The following RALGPS2 variants were observed in gnomAD, a reference collection of about 807,000 sequenced individuals.
RALGPS2 encodes the protein ras-specific guanine nucleotide-releasing factor RalGPS2.
A neutral mutation model predicts 86.8 loss-of-function variants in RALGPS2; 43 were observed. The ratio of observed to expected loss-of-function variants is 0.50; its 90% CI spans 0.39 to 0.64. The LOEUF (loss-of-function observed/expected upper bound fraction) is 0.64, where lower values mean the gene tolerates loss of function less well. Among genes scored for constraint, RALGPS2 ranks in the 30% least tolerant of loss-of-function variants. The probability of loss-of-function intolerance (pLI) is 0.00; values close to 1 mark genes in which losing one functional copy is unlikely to be tolerated. For missense variants in RALGPS2, 536 were observed against 694.6 expected, an observed-to-expected ratio of 0.77 and a Z score of 2.57; for synonymous variants, 243 against 231.3, an observed-to-expected ratio of 1.05 and a Z score of -0.46.
Position 178,776,664 on chromosome 1 carries a change from T to C in RALGPS2, c.-83-18T>C, listed in dbSNP as rs1572320143. The C allele has an allele frequency of 2.8e-5, 1 of 35,442 alleles. No individual in the cohort carries two copies. The highest frequency in any genetic ancestry group is 7.1e-4 in the East Asian group (1 of 1,416). 2.2% of individuals were successfully genotyped at this position (35,442 alleles called of 1,614,324 possible). A position where few individuals can be genotyped will look rare whatever the true frequency, so the allele number is the denominator to read the frequency against. On this transcript the variant is annotated intron_variant, in intron 1 of 19. Coordinates refer to ENST00000367635, the MANE Select transcript of RALGPS2 (RefSeq NM_152663.5). ...ACTTCGAGGAAGACATTTGCTTAACTTTTTTTTTTTTTTACAGGAATAATG... is the reference window on the plus strand; with the variant it reads ...ACTTCGAGGAAGACATTTGCTTAACCTTTTTTTTTTTTTACAGGAATAATG...
intron 12 of RALGPS2, chr1:178,885,412 C>T (rs560612098): frequency 7.2e-5 from 39 of 538,654 alleles, no homozygotes; most frequent in African/African-American, 6.5e-4. Flanking sequence ...GGGATTTTGT[C>T]AACAATGCAT....
chr1:178,728,983 A>G (rs1376496516), intron 1 of RALGPS2, among the ~76,000 whole-genome samples: 1 of 152,206 alleles, frequency 6.6e-6, no homozygotes, highest in African/African-American at 2.4e-5. Context: ...AGTTATATGG[A>G]TATAGCAGTG....
intron 1 of RALGPS2, among the ~76,000 whole-genome samples, chr1:178,728,768 A>T (rs547950494): frequency 6.6e-6 from 1 of 152,160 alleles, no homozygotes; most frequent in African/African-American, 2.4e-5. Flanking sequence ...AGTAACGTGG[A>T]ATTAATCTGG....
chr1:178,788,207 G>A (rs769065613), intron 4 of RALGPS2, among the ~76,000 whole-genome samples: 9 of 151,996 alleles, frequency 5.9e-5, no homozygotes, highest in Non-Finnish European at 1.3e-4. Flanking sequence ...TTTCTACAGG[G>A]TCACCTAGCA....
intron 1 of RALGPS2, chr1:178,746,801 A>G (rs1651356408): frequency 9.8e-7 from 1 of 1,017,268 alleles, no homozygotes; most frequent in Non-Finnish European, 1.6e-6. Context: ...ACGTTTCCGT[A>G]GAACACTCTC....
At chr1:178,789,918 A>G (rs1391481417) in intron 4 of RALGPS2, among the ~76,000 whole-genome samples, 1 of 152,156 alleles carries the variant, frequency 6.6e-6, no homozygotes, top group Non-Finnish European at 1.5e-5. Flanking sequence ...GACAACAGTA[A>G]CTATTGGAAG....
intron 1 of RALGPS2, among the ~76,000 whole-genome samples, chr1:178,746,242 A>G (rs1356785118): frequency 3.9e-5 from 6 of 152,220 alleles, no homozygotes; most frequent in African/African-American, 1.4e-4. Context: ...CTCAACACCA[A>G]CAATCCAACT....
At chr1:178,900,839 T>TG (rs781017843) in intron 17 of RALGPS2, among the ~76,000 whole-genome samples, 63 of 152,042 alleles carry the variant, frequency 4.1e-4, no homozygotes, top group Non-Finnish European at 8.8e-4. Flanking sequence ...TCGCTGGTGG[T>TG]TAAAGGGCAT....
intron 8 of RALGPS2, among the ~76,000 whole-genome samples, chr1:178,839,631 C>T (rs1333226239): frequency 1.3e-5 from 2 of 152,176 alleles, no homozygotes; most frequent in Non-Finnish European, 2.9e-5. Context: ...CAGCGAACAT[C>T]ATAATGACAG....
intron 9 of RALGPS2, 108 bp downstream of exon 9, chr1:178,877,743 A>C: frequency 7.4e-7 from 1 of 1,342,320 alleles, no homozygotes; most frequent in Non-Finnish European, 1.0e-6. Context: ...TCAATTTCTT[A>C]TTTCCATTCT....
At chr1:178,758,914 G>A (rs1282714975) in intron 1 of RALGPS2, among the ~76,000 whole-genome samples, 1 of 152,080 alleles carries the variant, frequency 6.6e-6, no homozygotes, top group African/African-American at 2.4e-5. Context: ...TAAAAAATCA[G>A]AGTATTAGAT....
intron 4 of RALGPS2, among the ~76,000 whole-genome samples, chr1:178,787,964 T>A (rs1283430846): frequency 6.6e-6 from 1 of 152,226 alleles, no homozygotes; most frequent in Non-Finnish European, 1.5e-5. Flanking sequence ...ATTGGCTTCC[T>A]GTTGCTCTGA....
Position 178,889,639 on chromosome 1 carries a change from T to G in RALGPS2, c.1193-3T>G. The G allele has an allele frequency of 6.3e-7, 1 of 1,597,298 alleles. No individual in the cohort carries two copies. Among genetic ancestry groups the G allele is most frequent in the Non-Finnish European group, 8.6e-7 (1 of 1,168,180 alleles). ...TAAAAAATAGGATAACTTTTCATTT[T>G]AGGTAGCAGCGATGGTTCTGAACTA... On this transcript the variant is annotated splice_region_variant and splice_polypyrimidine_tract_variant and intron_variant, in intron 13 of 19. Coordinates refer to ENST00000367635, the MANE Select transcript of RALGPS2 (RefSeq NM_152663.5).
intron 2 of RALGPS2, among the ~76,000 whole-genome samples, chr1:178,783,557 A>G (rs1275518191): frequency 6.6e-6 from 1 of 152,210 alleles, no homozygotes; most frequent in Non-Finnish European, 1.5e-5. Flanking sequence ...GGAAAAGCAA[A>G]AATGAGGCAT....
intron 1 of RALGPS2, among the ~76,000 whole-genome samples, chr1:178,738,055 C>T (rs1650819699): frequency 6.6e-6 from 1 of 152,068 alleles, no homozygotes; most frequent in East Asian, 1.9e-4. Context: ...GCTGGGATTA[C>T]AGCATGAGCC....
intron 4 of RALGPS2, among the ~76,000 whole-genome samples, chr1:178,796,679 A>G (rs931553777): frequency 1.3e-5 from 2 of 152,156 alleles, no homozygotes; most frequent in African/African-American, 4.8e-5. Flanking sequence ...AACCTACAAG[A>G]TGAAATTTAG....
intron 1 of RALGPS2, among the ~76,000 whole-genome samples, chr1:178,754,289 A>G (rs1238579624): frequency 6.6e-6 from 1 of 151,796 alleles, no homozygotes; most frequent in Non-Finnish European, 1.5e-5. Context: ...TATATAGTAT[A>G]TATTACAAGG....
At chr1:178,845,922 G>T (rs1194450637) in intron 8 of RALGPS2, among the ~76,000 whole-genome samples, 1 of 152,068 alleles carries the variant, frequency 6.6e-6, no homozygotes, top group African/African-American at 2.4e-5. Flanking sequence ...GCCTTACATT[G>T]TTAGTGGTGT....
At chr1:178,907,650 T>C (rs943276617) in intron 19 of RALGPS2, among the ~76,000 whole-genome samples, 2 of 152,220 alleles carry the variant, frequency 1.3e-5, no homozygotes, top group African/African-American at 4.8e-5. Context: ...ATAGACTTTT[T>C]GTAGAACCAG....
Sources: gnomAD v4.1 joint callset for allele counts (sites outside exome capture counted in the v4.1 genomes callset) on GRCh38, gnomAD v4.1.1 for gene constraint, MANE v1.5 for transcripts, NCBI Gene and HGNC (gene_info 2026-07-23, HGNC 2026-07-21) for gene names.